MED12L: variants seen among roughly 807,000 people sequenced by gnomAD.
MED12L encodes mediator of RNA polymerase II transcription subunit 12-like protein.
In MED12L, 60 loss-of-function variants were observed where a neutral mutation model predicts 281.3. That is an observed-to-expected ratio of 0.21 (90% confidence interval 0.17 to 0.26). MED12L has a LOEUF of 0.26. Among genes scored for constraint, MED12L ranks in the 10% least tolerant of loss-of-function variants. The pLI is 1.00. For synonymous variants in MED12L, 974 were observed against 987.2 expected, an observed-to-expected ratio of 0.99 and a Z score of 0.25; for missense variants, 2,146 against 2,680.9, an observed-to-expected ratio of 0.80 and a Z score of 4.41.
intron 16 of MED12L, among the ~76,000 whole-genome samples, chr3:151,208,877 C>T (rs1024297365): frequency 6.6e-6 from 1 of 152,002 alleles, no homozygotes; most frequent in Non-Finnish European, 1.5e-5. Flanking sequence ...AGAAGTAGTG[C>T]AGGTATGGGC....
chr3:151,363,117 A>G (rs1170641860), intron 21 of MED12L, among the ~76,000 whole-genome samples: 1 of 152,116 alleles, frequency 6.6e-6, no homozygotes, highest in Non-Finnish European at 1.5e-5. Context: ...GTGGAAATTT[A>G]GGGTACCAGC....
chr3:151,320,968 A>ACT (rs1748929961), intron 16 of MED12L, among the ~76,000 whole-genome samples: 1 of 152,230 alleles, frequency 6.6e-6, no homozygotes, highest in Admixed American at 6.5e-5. Context: ...TAATCTATTC[A>ACT]GGATAAATAT....
chr3:151,333,659 G>T (rs1750602549), intron 16 of MED12L, among the ~76,000 whole-genome samples: 1 of 152,218 alleles, frequency 6.6e-6, no homozygotes, highest in Non-Finnish European at 1.5e-5. Flanking sequence ...TAGCATGTTT[G>T]TAGGAAGTTT....
intron 16 of MED12L, among the ~76,000 whole-genome samples, chr3:151,313,569 G>T (rs2149789027): frequency 6.6e-6 from 1 of 152,090 alleles, no homozygotes; most frequent in South Asian, 2.1e-4. Flanking sequence ...GATAAGGCCA[G>T]GTGCGGTGGC....
In MED12L at chr3:151,388,190, G is replaced by GGAGA; in HGVS notation, c.5451+19_5451+22dup. The GGAGA allele has an allele frequency of 2.5e-6, 4 of 1,574,954 alleles. No individual in the cohort carries two copies. The highest frequency in any genetic ancestry group is 3.4e-6 in the Non-Finnish European group (4 of 1,167,140). On this transcript the variant is annotated intron_variant, in intron 37 of 44. Transcript: ENST00000687756. ...GAGTTGATGTAAGTGGGGAAAGGAA[G>GGAGA]GAGAACCTTGGCTCATTAGCATTTA...
intron 16 of MED12L, among the ~76,000 whole-genome samples, chr3:151,215,995 T>C (rs538514800): frequency 2.0e-4 from 30 of 152,308 alleles, no homozygotes; most frequent in African/African-American, 2.6e-4. Flanking sequence ...TCACTTTCCT[T>C]AGGAAACCTC....
chr3:151,282,350 T>G (rs1033248817), intron 16 of MED12L, among the ~76,000 whole-genome samples: 14 of 134,828 alleles, frequency 1.0e-4, no homozygotes, highest in Non-Finnish European at 1.9e-4. Context: ...ATAATTTAGT[T>G]TTTTTTTGTT....
rs140997136 is a variant in MED12L, at chr3:151,208,726, G to T, written c.2250+15060G>T. Among the ~76,000 whole-genome samples the T allele has an allele frequency of 1.7e-3, 261 of 152,196 alleles. 1 individual carries two copies. Among genetic ancestry groups the T allele is most frequent in the African/African-American group, 5.7e-3 (237 of 41,528 alleles). On this transcript the variant is annotated intron_variant, in intron 16 of 44. Transcript: ENST00000687756. ...AAGAATTTAAGTAATATGTAATATT[G>T]TATGGATATGATGAGGGCCATGTTT...
At chr3:151,348,751 C>A (rs1752878869) in intron 16 of MED12L, among the ~76,000 whole-genome samples, 1 of 152,158 alleles carries the variant, frequency 6.6e-6, no homozygotes, top group African/African-American at 2.4e-5. Flanking sequence ...CAGACCGACA[C>A]AAAGACTGAG....
At chr3:151,166,108 T>C (rs1720684549) in intron 11 of MED12L, 126 bp downstream of exon 11, 2 of 702,308 alleles carry the variant, frequency 2.8e-6, no homozygotes, top group African/African-American at 3.6e-5. Context: ...ACATACACAC[T>C]TGAAATCATT....
chr3:151,346,265 T>A (rs1056245668), intron 16 of MED12L, among the ~76,000 whole-genome samples: 1 of 152,222 alleles, frequency 6.6e-6, no homozygotes, highest in African/African-American at 2.4e-5. Flanking sequence ...TCTTATATCC[T>A]TTATCATCAG....
At chr3:151,296,415 C>T (rs979875232) in intron 16 of MED12L, among the ~76,000 whole-genome samples, 26 of 152,180 alleles carry the variant, frequency 1.7e-4, no homozygotes, top group Non-Finnish European at 2.9e-4. Flanking sequence ...TGCCACGCTT[C>T]CCGCGGACTG....
At chr3:151,281,624 A>T (rs1742826095) in intron 16 of MED12L, among the ~76,000 whole-genome samples, 1 of 152,146 alleles carries the variant, frequency 6.6e-6, no homozygotes, top group Admixed American at 6.5e-5. Flanking sequence ...TGGTGTTTTG[A>T]TTTATGCTAA....
Position 151,436,438 on chromosome 3 carries a change from T to G in MED12L, c.*3634T>G, listed in dbSNP as rs1720223337. On this transcript the variant is annotated 3_prime_UTR_variant, in exon 45 of 45. Coordinates refer to ENST00000687756, the MANE Select transcript of MED12L (RefSeq NM_001393769.1). ...GTTATTTTATAGTGAACCGTTTCAA[T>G]GTTTGTTTATTGTTATTTGTTGGCA... 3 of 353,160 alleles carry G rather than the reference T, an allele frequency of 8.5e-6. No individual in the cohort carries two copies. Among genetic ancestry groups the G allele is most frequent in the Middle Eastern group, 8.7e-4 (1 of 1,146 alleles). The allele number at this position is 353,160 out of a possible 1,614,324, so 21.9% of individuals were successfully genotyped here.
At chr3:151,294,625 G>A (rs759487702) in intron 16 of MED12L, 16 of 1,614,170 alleles carry the variant, frequency 9.9e-6, no homozygotes, top group Non-Finnish European at 1.4e-5. Context: ...TCACATAGGT[G>A]ACTGCCGTAT....
At chr3:151,197,437 C>CGTGGG (rs1724822790) in intron 16 of MED12L, among the ~76,000 whole-genome samples, 1 of 152,106 alleles carries the variant, frequency 6.6e-6, no homozygotes. Context: ...TGTGAGCCAC[C>CGTGGG]ACGCCCGGCT....
intron 16 of MED12L, among the ~76,000 whole-genome samples, chr3:151,274,857 A>G (rs968291023): frequency 2.4e-4 from 36 of 152,208 alleles, no homozygotes; most frequent in African/African-American, 8.2e-4. Flanking sequence ...CATCTCTACC[A>G]TTCCTAGAAT....
chr3:151,283,647 C>A (rs1036482147), intron 16 of MED12L, among the ~76,000 whole-genome samples: 4 of 152,162 alleles, frequency 2.6e-5, no homozygotes, highest in African/African-American at 9.7e-5. Context: ...GTTTTGTACC[C>A]GTGATGTTCA....
At chr3:151,194,186 C>T (rs546042134) in intron 16 of MED12L, among the ~76,000 whole-genome samples, 23 of 152,136 alleles carry the variant, frequency 1.5e-4, no homozygotes, top group South Asian at 4.1e-4. Context: ...AGGCTGGTCT[C>T]GAACTCCTGA....
Sources: allele counts gnomAD v4.1 joint callset (sites outside exome capture counted in the v4.1 genomes callset), GRCh38; gene constraint gnomAD v4.1.1; transcripts MANE v1.5; gene names NCBI Gene and HGNC (gene_info 2026-07-23, HGNC 2026-07-21).